AK9: variants seen among roughly 807,000 people sequenced by gnomAD.
The protein encoded by AK9 is adenylate kinase 9, also known as adenylate kinase domain containing 1.
In AK9, 191 loss-of-function variants were observed where a neutral mutation model predicts 239.6. That is an observed-to-expected ratio of 0.80 (90% CI 0.71 to 0.90). AK9 has a LOEUF of 0.90. Among genes scored for constraint, AK9 ranks in the 40% least tolerant of loss-of-function variants. The pLI, the probability that AK9 is intolerant of heterozygous loss-of-function variation, is 0.00. For synonymous variants in AK9, 689 were observed against 721.0 expected, an observed-to-expected ratio of 0.96 and a Z score of 0.71; for missense variants, 1,995 against 2,214.7, an observed-to-expected ratio of 0.90 and a Z score of 1.99.
chr6:109,677,685 C>T (rs971237277), intron 1 of AK9, among the ~76,000 whole-genome samples: 2 of 151,934 alleles, frequency 1.3e-5, no homozygotes, highest in Admixed American at 6.6e-5. Flanking sequence ...TATCAAAGGT[C>T]AACAGAATTC....
chr6:109,586,039 C>A lies in AK9; in HGVS notation c.1876G>T (p.Ala626Ser), dbSNP rs1183697207. Residue 626 changes from alanine (A) to serine (S), a missense_variant, in exon 18 of 41, where the codon GCC becomes TCC. Around this residue, in one of 5 missense-constraint regions of AK9, gnomAD observed 1,290 missense variants for 1,392.7 expected, o/e 0.93. Coordinates refer to ENST00000424296, the MANE Select transcript of AK9 (RefSeq NM_001145128.3). Reference sequence around the variant, plus strand: ...ACAATCCAGCCTCCATATTTTGGGGCACCAGGAAACCTATCCTTGTTTTCT... The same window carrying A: ...ACAATCCAGCCTCCATATTTTGGGGAACCAGGAAACCTATCCTTGTTTTCT... Reference protein sequence around the residue: ...MEENKDRFPGAPKYGGWIVDN... With the variant: ...MEENKDRFPGSPKYGGWIVDN... The A allele has an allele frequency of 1.3e-6, 2 of 1,551,090 alleles. No individual in the cohort carries two copies. Among genetic ancestry groups the A allele is most frequent in the East Asian group, 4.9e-5 (2 of 40,894 alleles).
rs949557788 is a variant in AK9 at position 109,605,085 on chromosome 6, T to C, written c.1842+5280A>G. 4.6e-5 allele frequency among the ~76,000 whole-genome samples: 7 copies of C among 152,234 alleles called. 1 individual carries two copies. The highest frequency in any genetic ancestry group is 4.6e-4 in the Admixed American group (7 of 15,274). On this transcript the variant is annotated intron_variant, in intron 17 of 40. Transcript: ENST00000424296. ...TATGTTTCTCCTCTATTCTAATAAT[T>C]ATTCCTGTTATTATGTTTCAAGGCA... is the stretch of plus-strand genomic sequence containing the variant.
chr6:109,525,595 G>A (rs953921430), intron 29 of AK9, among the ~76,000 whole-genome samples: 18 of 152,084 alleles, frequency 1.2e-4, no homozygotes, highest in African/African-American at 3.4e-4. Flanking sequence ...AATGCAAATC[G>A]AAAACACAGT....
At chr6:109,550,416 T>A (rs923939474) in intron 24 of AK9, 114 bp from the exon 25 acceptor site, 14 of 904,202 alleles carry the variant, frequency 1.5e-5, no homozygotes, top group Non-Finnish European at 2.1e-5. Flanking sequence ...TTGAAAACTA[T>A]CCACAAAAAG....
intron 13 of AK9, among the ~76,000 whole-genome samples, chr6:109,617,731 C>A (rs1794342871): frequency 6.6e-6 from 1 of 152,064 alleles, no homozygotes; most frequent in South Asian, 2.1e-4. Context: ...TCACAATTAA[C>A]CATTACAAAC....
At chr6:109,678,508 T>C (rs1038632969) in intron 1 of AK9, among the ~76,000 whole-genome samples, 2 of 152,200 alleles carry the variant, frequency 1.3e-5, no homozygotes, top group African/African-American at 4.8e-5. Context: ...TACTATAGTT[T>C]TGCAAAATAT....
chr6:109,679,498 C>T (rs191636543), intron 1 of AK9, among the ~76,000 whole-genome samples: 1 of 152,094 alleles, frequency 6.6e-6, no homozygotes, highest in Non-Finnish European at 1.5e-5. Context: ...GGACAGAGCA[C>T]CTGGGGGAAG....
intron 17 of AK9, among the ~76,000 whole-genome samples, chr6:109,600,756 G>T (rs1188636426): frequency 6.6e-6 from 1 of 152,046 alleles, no homozygotes; most frequent in Non-Finnish European, 1.5e-5. Context: ...CAATTTCAGA[G>T]CCTGTTATTG....
At chr6:109,528,953 C>A (rs748141287) in intron 29 of AK9, 58 bp downstream of exon 29, 389 of 1,585,630 alleles carry the variant, frequency 2.5e-4, no homozygotes, top group Non-Finnish European at 3.3e-4. Context: ...TGCCACTGTA[C>A]CCTGCCCTGG....
chr6:109,670,515 C>T (rs940169209), intron 5 of AK9, among the ~76,000 whole-genome samples: 2 of 152,114 alleles, frequency 1.3e-5, no homozygotes, highest in Non-Finnish European at 2.9e-5. Flanking sequence ...AATCTCCCTA[C>T]TTTTGTTTGA....
intron 8 of AK9, among the ~76,000 whole-genome samples, chr6:109,654,812 A>G (rs1261180435): frequency 6.6e-6 from 1 of 152,214 alleles, no homozygotes; most frequent in Non-Finnish European, 1.5e-5. Flanking sequence ...TGCAGAATGT[A>G]TACCAGAAAG....
intron 25 of AK9, among the ~76,000 whole-genome samples, chr6:109,548,789 G>A (rs918398389): frequency 6.6e-6 from 1 of 152,142 alleles, no homozygotes; most frequent in Non-Finnish European, 1.5e-5. Flanking sequence ...TAAACACATG[G>A]GATCAGAATC....
intron 1 of AK9, among the ~76,000 whole-genome samples, chr6:109,681,010 A>G (rs1772549461): frequency 6.6e-6 from 1 of 152,232 alleles, no homozygotes; most frequent in Non-Finnish European, 1.5e-5. Context: ...ATTGTAAAGA[A>G]CATCGACACT....
intron 29 of AK9, among the ~76,000 whole-genome samples, chr6:109,524,246 G>A (rs1249605678): frequency 6.6e-6 from 1 of 151,832 alleles, no homozygotes; most frequent in African/African-American, 2.4e-5. Context: ...TTGTTGGTTG[G>A]GCTTAAACTA....
chr6:109,540,106 G>C (rs1782657343), intron 27 of AK9, among the ~76,000 whole-genome samples: 1 of 151,768 alleles, frequency 6.6e-6, no homozygotes, highest in South Asian at 2.1e-4. Flanking sequence ...TCTGTGCTGG[G>C]AGAACCACTA....
rs140593198 is a variant in AK9, at chr6:109,651,403, G to C, written c.759+5353C>G. On this transcript the variant is annotated intron_variant, in intron 8 of 40. Transcript: ENST00000424296. ...AAGACACAACATACCAGAATCTCTG[G>C]GACATATTCAAAGCAGTGTTTAGAG... is the stretch of plus-strand genomic sequence containing the variant. Among the ~76,000 whole-genome samples the C allele has an allele frequency of 5.3e-4, 80 of 152,200 alleles. No homozygotes were observed. In the East Asian group the frequency reaches 0.012, roughly 23 times the overall value.
intron 18 of AK9, among the ~76,000 whole-genome samples, 186 bp downstream of exon 18, chr6:109,585,730 G>A (rs1789424586): frequency 6.6e-6 from 1 of 152,022 alleles, no homozygotes; most frequent in South Asian, 2.1e-4. Flanking sequence ...TCAACCATCC[G>A]GCACTTATTC....
intron 6 of AK9, among the ~76,000 whole-genome samples, chr6:109,661,863 C>T (rs1293060600): frequency 5.9e-5 from 9 of 152,120 alleles, no homozygotes; most frequent in South Asian, 2.1e-4. Flanking sequence ...CATGAGGCAG[C>T]TATTGTCATT....
intron 17 of AK9, among the ~76,000 whole-genome samples, chr6:109,596,966 C>A (rs769082878): frequency 2.0e-5 from 3 of 151,904 alleles, no homozygotes; most frequent in Non-Finnish European, 4.4e-5. Context: ...AACAAATAAA[C>A]CTTAATTTGT....
Sources: gnomAD v4.1 joint callset for allele counts (sites outside exome capture counted in the v4.1 genomes callset) on GRCh38, gnomAD v4.1.1 for gene constraint, gnomAD v4.1.1 regional missense constraint, MANE v1.5 for transcripts, NCBI Gene and HGNC (gene_info 2026-07-23, HGNC 2026-07-21) for gene names.